XCR1: variants seen among roughly 807,000 people sequenced by gnomAD.
XCR1 encodes the protein chemokine XC receptor 1.
For missense variants in XCR1, 356 were observed against 424.2 expected (o/e 0.84, Z 1.41); for synonymous variants, 187 against 188.5 (o/e 0.99, Z 0.06).
intron 1 of XCR1, chr3:46,023,727 A>C: frequency 6.5e-7 from 1 of 1,536,540 alleles, no homozygotes; most frequent in South Asian, 1.1e-5. Flanking sequence ...TACTATATTT[A>C]CTTCAGCAAA....
rs559073937 is a variant in XCR1, at chr3:46,045,287, G to A, written c.-32+8633C>T. On this transcript the variant is annotated intron_variant, in intron 5 of 5. Coordinates refer to the XCR1 transcript ENST00000683768. Reference sequence around the variant, plus strand: ...TACAAAAAAAAATTGGTGGGTGCCTGTAATCCCAACTACTCGGGAGGCTGA... The same window carrying A: ...TACAAAAAAAAATTGGTGGGTGCCTATAATCCCAACTACTCGGGAGGCTGA... Among the ~76,000 whole-genome samples the A allele has an allele frequency of 3.3e-5, 5 of 152,084 alleles. No homozygotes were observed. In the East Asian group the frequency reaches 7.7e-4, roughly 24 times the overall value.
intron 5 of XCR1, among the ~76,000 whole-genome samples, chr3:46,050,785 T>C (rs1697726305): frequency 6.6e-6 from 1 of 152,152 alleles, no homozygotes; most frequent in South Asian, 2.1e-4. Flanking sequence ...GAAACTATCC[T>C]TAAGATCTAT....
At chr3:46,082,287 C>T (rs1698382391) in intron 1 of XCR1, among the ~76,000 whole-genome samples, 1 of 151,994 alleles carries the variant, frequency 6.6e-6, no homozygotes. Context: ...ATTTGCTCTC[C>T]TTTTTCTATT....
chr3:46,038,917 A>G (rs1189753267), intron 5 of XCR1, among the ~76,000 whole-genome samples: 1 of 152,086 alleles, frequency 6.6e-6, no homozygotes, highest in Non-Finnish European at 1.5e-5. Flanking sequence ...TAAGTAAATT[A>G]TATTGATTGG....
chr3:46,026,624 C>G (rs1407731613), intron 1 of XCR1, among the ~76,000 whole-genome samples: 1 of 151,010 alleles, frequency 6.6e-6, no homozygotes, highest in Non-Finnish European at 1.5e-5. Context: ...GTTCTGTCCC[C>G]TAGTCTGGAG....
intron 2 of XCR1, among the ~76,000 whole-genome samples, chr3:46,075,308 C>CAAAA (rs56787185): frequency 1.9e-3 from 114 of 61,620 alleles, no homozygotes; most frequent in Middle Eastern, 0.017. Flanking sequence ...GCTCATAGAC[C>CAAAA]AAAAAAAAAA....
rs1181057818 is a variant in XCR1 at position 46,019,837 on chromosome 3, G to C, written c.*1109C>G. On this transcript the variant is annotated 3_prime_UTR_variant, in exon 2 of 2. Coordinates refer to ENST00000309285, the MANE Select transcript of XCR1 (RefSeq NM_001024644.2). ...AACAGCCTGGTGGGGAAAGAGAGGA[G>C]CAGTGGGGAGATGCCAAGGAAGTGA... is the stretch of plus-strand genomic sequence containing the variant. 2.0e-5 allele frequency: 3 copies of C among 152,340 alleles called. No individual in the cohort carries two copies. The highest frequency in any genetic ancestry group is 1.3e-4 in the Admixed American group (2 of 15,272). 9.4% of individuals were successfully genotyped at this position (152,340 alleles called of 1,614,324 possible).
intron 4 of XCR1, among the ~76,000 whole-genome samples, chr3:46,057,520 A>G (rs4683173): frequency 0.74 from 112,069 of 152,072 alleles, 41,686 homozygotes; most frequent in East Asian, 0.99. Context: ...ACCTTGTGAT[A>G]GCCAGTTTTA....
At chr3:46,048,974 T>C (rs1169235870) in intron 5 of XCR1, among the ~76,000 whole-genome samples, 1 of 152,206 alleles carries the variant, frequency 6.6e-6, no homozygotes, top group African/African-American at 2.4e-5. Context: ...CTGCAAGAAA[T>C]TTTTAAAAGC....
chr3:46,067,934 G>T (rs1698105235), intron 3 of XCR1, among the ~76,000 whole-genome samples: 1 of 152,202 alleles, frequency 6.6e-6, no homozygotes, highest in Admixed American at 6.5e-5. Flanking sequence ...AAAGGCAGAG[G>T]AGGGAGGCAA....
In XCR1 at chr3:46,023,217, G is replaced by A. The variant is rs1341709264; in HGVS notation, c.-31-1239C>T. The A allele has an allele frequency of 7.6e-6, 4 of 529,758 alleles. 1 individual carries two copies. Among genetic ancestry groups the A allele is most frequent in the Non-Finnish European group, 1.3e-5 (4 of 301,020 alleles). The allele number at this position is 529,758 out of a possible 1,614,324, so 32.8% of individuals were successfully genotyped here. A position where few individuals can be genotyped will look rare whatever the true frequency, so the allele number is the denominator to read the frequency against. On this transcript the variant is annotated intron_variant, in intron 1 of 1. Transcript: ENST00000309285. ...TGCTCCCTCTGCGCCCAGAGAGGAC[G>A]CGGCTGCGTCGCGCTCCCCTGCGAT... is the stretch of plus-strand genomic sequence containing the variant.
chr3:46,080,726 A>G (rs564655682), intron 1 of XCR1, among the ~76,000 whole-genome samples: 2 of 152,318 alleles, frequency 1.3e-5, no homozygotes, highest in East Asian at 3.9e-4. Context: ...ACTTAATGAT[A>G]GACCAATCTT....
chr3:46,034,742 A>T (rs1346118158), intron 5 of XCR1, among the ~76,000 whole-genome samples: 1 of 152,184 alleles, frequency 6.6e-6, no homozygotes. Context: ...AAACTGACCC[A>T]ATAGTCCCAT....
At chr3:46,073,167 A>G (rs1428538571) in intron 3 of XCR1, among the ~76,000 whole-genome samples, 1 of 152,210 alleles carries the variant, frequency 6.6e-6, no homozygotes, top group Non-Finnish European at 1.5e-5. Context: ...CTATAAAAAT[A>G]CTAGAAGAAA....
intron 1 of XCR1, among the ~76,000 whole-genome samples, chr3:46,084,909 A>G (rs935974979): frequency 6.6e-6 from 1 of 152,178 alleles, no homozygotes; most frequent in Non-Finnish European, 1.5e-5. Context: ...CAATATACCC[A>G]TGTAACAAAT....
At chr3:46,082,893 A>G (rs964048675) in intron 1 of XCR1, among the ~76,000 whole-genome samples, 5 of 152,142 alleles carry the variant, frequency 3.3e-5, no homozygotes, top group Non-Finnish European at 7.4e-5. Context: ...AAATCTGAAG[A>G]GATGCTGGGT....
At chr3:46,082,841 T>TAA (rs1698400488) in intron 1 of XCR1, among the ~76,000 whole-genome samples, 1 of 152,152 alleles carries the variant, frequency 6.6e-6, no homozygotes, top group African/African-American at 2.4e-5. Flanking sequence ...CATGGAGGGA[T>TAA]AATTCTCTGA....
upstream of XCR1, among the ~76,000 whole-genome samples, chr3:46,029,271 A>G (rs1708358065): frequency 1.3e-5 from 2 of 152,170 alleles, no homozygotes; most frequent in African/African-American, 4.8e-5. Context: ...TGGTGCGATC[A>G]TGGCTCACTG....
At chr3:46,066,877 T>C (rs1444057905) in intron 4 of XCR1, among the ~76,000 whole-genome samples, 2 of 152,230 alleles carry the variant, frequency 1.3e-5, no homozygotes, top group African/African-American at 4.8e-5. Context: ...ATTAAATAAA[T>C]TAATATGAGT....
Sources: gnomAD v4.1 joint callset for allele counts (sites outside exome capture counted in the v4.1 genomes callset) on GRCh38, gnomAD v4.1.1 for gene constraint, MANE v1.5 for transcripts, NCBI Gene and HGNC (gene_info 2026-07-23, HGNC 2026-07-21) for gene names.